Variants in DDHD1 observed in about 807,000 individuals in gnomAD.
DDHD1 encodes the protein DDHD domain containing 1.
A neutral mutation model predicts 96.4 loss-of-function variants in DDHD1; 49 were observed. The ratio of observed to expected loss-of-function variants is 0.51; its 90% confidence interval spans 0.40 to 0.64. DDHD1 has a LOEUF of 0.64. Among genes scored for constraint, DDHD1 ranks in the 30% least tolerant of loss-of-function variants. DDHD1 has a pLI of 0.00. For missense variants in DDHD1, 1,106 were observed against 1,161.2 expected (o/e 0.95, Z 0.69); for synonymous variants, 442 against 446.5 (o/e 0.99, Z 0.13).
At chr14:53,091,637 G>T in intron 4 of DDHD1, 148 bp downstream of exon 4, 1 of 755,712 alleles carries the variant, frequency 1.3e-6, no homozygotes. Context: ...ATTTGGTCCA[G>T]ATACTTGATC....
rs1481017235 is a variant in DDHD1, at chr14:53,041,900, T to G, written c.*4868A>C. The G allele has an allele frequency of 6.6e-6, 1 of 151,606 alleles. No homozygotes were observed. Among genetic ancestry groups the G allele is most frequent in the Non-Finnish European group, 1.5e-5 (1 of 67,934 alleles). 9.4% of individuals were successfully genotyped at this position (151,606 alleles called of 1,614,324 possible). ...CAGAGGTGTATGTGTGGAGGGGAGG[T>G]TGGGGGACAAAAACAAAGAGAGGCA... On this transcript the variant is annotated 3_prime_UTR_variant, in exon 13 of 13. Transcript: ENST00000673822.
intron 1 of DDHD1, among the ~76,000 whole-genome samples, chr14:53,151,091 T>C (rs1026285245): frequency 2.0e-5 from 3 of 152,264 alleles, no homozygotes; most frequent in African/African-American, 7.2e-5. Context: ...GAATCACTGA[T>C]GCAATTCAAT....
At chr14:53,058,673 T>C (rs781534178) in intron 8 of DDHD1, 47 bp from the exon 9 acceptor site, 4 of 1,553,174 alleles carry the variant, frequency 2.6e-6, no homozygotes, top group East Asian at 4.6e-5. Context: ...TGAAGTGTTA[T>C]CTTTCAACAA....
At chr14:53,101,583 G>GTA (rs1448529848) in intron 2 of DDHD1, among the ~76,000 whole-genome samples, 1 of 151,844 alleles carries the variant, frequency 6.6e-6, no homozygotes, top group Non-Finnish European at 1.5e-5. Flanking sequence ...ACTACTCCAT[G>GTA]TATATCCATA....
intron 1 of DDHD1, among the ~76,000 whole-genome samples, chr14:53,116,626 G>C (rs1888561891): frequency 6.6e-6 from 1 of 152,152 alleles, no homozygotes; most frequent in South Asian, 2.1e-4. Flanking sequence ...AATGACTACT[G>C]GGTAAATCAT....
At chr14:53,090,338 T>C (rs948979957) in intron 4 of DDHD1, among the ~76,000 whole-genome samples, 2 of 152,186 alleles carry the variant, frequency 1.3e-5, no homozygotes, top group African/African-American at 4.8e-5. Flanking sequence ...GATCTAGAAC[T>C]AGAAATACCA....
At chr14:53,126,312 AT>A (rs1353676781) in intron 1 of DDHD1, among the ~76,000 whole-genome samples, 3 of 152,242 alleles carry the variant, frequency 2.0e-5, no homozygotes, top group Non-Finnish European at 4.4e-5. Context: ...AGAAGTGAAT[AT>A]GAATTCAAAC....
intron 4 of DDHD1, among the ~76,000 whole-genome samples, chr14:53,084,651 G>C (rs1005936088): frequency 1.3e-5 from 2 of 152,172 alleles, no homozygotes; most frequent in African/African-American, 4.8e-5. Flanking sequence ...GAATTGTGAG[G>C]TCTTTTCCAA....
At position 53,152,412 on chromosome 14, in the gene DDHD1, G is replaced by A. The variant is rs769806406; in HGVS notation, c.687C>T (p.Asp229=). ...AGAAGCCGCAGGCGCGGTCCTCATCGTCATCTTCTCCGGAACTGGAGGCTG... is the reference window on the plus strand; with the variant it reads ...AGAAGCCGCAGGCGCGGTCCTCATCATCATCTTCTCCGGAACTGGAGGCTG... ...TGPASSSGED[D]DEDRACGFCQ... The change falls in exon 1 of 13, where the codon GAC becomes GAT. Residue 229 remains aspartate, a synonymous_variant. Transcript: ENST00000673822. 14 of 1,613,710 alleles carry A rather than the reference G, an allele frequency of 8.7e-6. No individual in the cohort carries two copies. In the Admixed American group the frequency reaches 2.0e-4, roughly 23 times the overall value.
intron 1 of DDHD1, 38 bp downstream of exon 1, chr14:53,152,223 G>T (rs780478106): frequency 1.9e-5 from 29 of 1,549,340 alleles, no homozygotes; most frequent in Middle Eastern, 3.5e-4. Context: ...CCCATGCAGG[G>T]GCAGCCCGTC....
chr14:53,147,123 C>G (rs1037904817), intron 1 of DDHD1, among the ~76,000 whole-genome samples: 1 of 152,134 alleles, frequency 6.6e-6, no homozygotes, highest in Non-Finnish European at 1.5e-5. Context: ...GTTCTCCTCC[C>G]TGACATACAC....
intron 1 of DDHD1, among the ~76,000 whole-genome samples, chr14:53,128,013 G>A (rs765473836): frequency 3.7e-4 from 57 of 152,276 alleles, no homozygotes; most frequent in Middle Eastern, 3.4e-3. Flanking sequence ...GTTGCCCCAT[G>A]CTATTCTGAC....
At chr14:53,105,386 T>C (rs1443342036) in intron 1 of DDHD1, among the ~76,000 whole-genome samples, 1 of 152,154 alleles carries the variant, frequency 6.6e-6, no homozygotes, top group Admixed American at 6.5e-5. Flanking sequence ...GTGATGTATT[T>C]AAAATTTTCT....
intron 12 of DDHD1, among the ~76,000 whole-genome samples, chr14:53,047,669 T>C (rs1437382639): frequency 1.3e-5 from 2 of 152,190 alleles, no homozygotes; most frequent in Non-Finnish European, 2.9e-5. Context: ...ATAACAGTGC[T>C]GTCCACAAAC....
At chr14:53,065,009 C>T (rs1341926044) in intron 6 of DDHD1, among the ~76,000 whole-genome samples, 1 of 152,118 alleles carries the variant, frequency 6.6e-6, no homozygotes, top group Admixed American at 6.6e-5. Context: ...TCATTTGGGA[C>T]ATCTCAGCCA....
In DDHD1 at chr14:53,153,049, C is replaced by A; in HGVS notation, c.50G>T (p.Arg17Leu). ...CTCCCAGGCGCCGCCGCCGCCGCCTCGGCCGTTATGCTCGGGGCTCCGTGG... is the reference window on the plus strand; with the variant it reads ...CTCCCAGGCGCCGCCGCCGCCGCCTAGGCCGTTATGCTCGGGGCTCCGTGG... ...GSPRSPEHNG[R>L]GGGGGAWELG... The change falls in exon 1 of 13, where the codon CGA (arginine) becomes CTA (leucine). Residue 17 changes from arginine (R) to leucine (L), a missense_variant. This residue lies in a region of DDHD1 where 456 missense variants were observed against 402.4 expected (regional missense o/e 1.13). Coordinates refer to ENST00000673822, the MANE Select transcript of DDHD1 (RefSeq NM_001160148.2). 6.7e-7 allele frequency: 1 copy of A among 1,493,110 alleles called. No homozygotes were observed. The allele number at this position is 1,493,110 out of a possible 1,614,324, so 92.5% of individuals were successfully genotyped here.
chr14:53,050,535 G>A (rs1043823680), intron 12 of DDHD1, among the ~76,000 whole-genome samples: 11 of 151,862 alleles, frequency 7.2e-5, no homozygotes, highest in African/African-American at 1.5e-4. Flanking sequence ...TTTGCGGTTC[G>A]TCACATTCTA....
At chr14:53,098,347 A>G (rs992892757) in intron 2 of DDHD1, among the ~76,000 whole-genome samples, 8 of 152,078 alleles carry the variant, frequency 5.3e-5, no homozygotes, top group Non-Finnish European at 1.0e-4. Flanking sequence ...ACTATATCTT[A>G]AAGAAACTTT....
chr14:53,130,563 G>A (rs578134499), intron 1 of DDHD1, among the ~76,000 whole-genome samples: 28 of 152,236 alleles, frequency 1.8e-4, no homozygotes, highest in East Asian at 1.7e-3. Flanking sequence ...ACTTGCCTCC[G>A]CTGTGAGACA....
Sources: gnomAD v4.1 joint callset for allele counts (sites outside exome capture counted in the v4.1 genomes callset) on GRCh38, gnomAD v4.1.1 for gene constraint, gnomAD v4.1.1 regional missense constraint, MANE v1.5 for transcripts, NCBI Gene and HGNC (gene_info 2026-07-23, HGNC 2026-07-21) for gene names.